NRXN3: variants seen among roughly 807,000 people sequenced by gnomAD.
The protein encoded by NRXN3 is neurexin 3, also known as neurexin III.
NRXN3 carries 32 observed loss-of-function variants against 137.6 expected under a neutral mutation model. The observed-to-expected ratio is 0.23, with a 90% CI of 0.18 to 0.31. The LOEUF is 0.31. NRXN3 is among the 10% of genes least tolerant of loss of function. The pLI, the probability that NRXN3 is intolerant of heterozygous loss-of-function variation, is 1.00. For missense variants in NRXN3, 1,574 were observed against 2,062.5 expected (o/e 0.76, Z 4.59); for synonymous variants, 798 against 784.5 (o/e 1.02, Z -0.29).
intron 15 of NRXN3, among the ~76,000 whole-genome samples, chr14:79,165,645 G>A (rs1419372066): frequency 1.3e-5 from 2 of 151,956 alleles, no homozygotes; most frequent in African/African-American, 4.8e-5. Flanking sequence ...AGAGATGACT[G>A]CTTTTGACAG....
At chr14:78,834,448 A>G (rs2098990725) in intron 10 of NRXN3, among the ~76,000 whole-genome samples, 1 of 152,162 alleles carries the variant, frequency 6.6e-6, no homozygotes, top group Admixed American at 6.5e-5. Context: ...AGTAATGGTC[A>G]GAGAGGCAAA....
intron 13 of NRXN3, 51 bp from the exon 14 acceptor site, chr14:78,968,122 G>T (rs2099427098): frequency 2.6e-6 from 3 of 1,150,458 alleles, no homozygotes; most frequent in Non-Finnish European, 3.4e-6. Context: ...TAGTTGACAT[G>T]GTCACCACAT....
intron 15 of NRXN3, among the ~76,000 whole-genome samples, chr14:79,462,059 A>G (rs1167329651): frequency 6.6e-6 from 1 of 152,154 alleles, no homozygotes; most frequent in Non-Finnish European, 1.5e-5. Flanking sequence ...CCACAAGTAA[A>G]TTATCCAGTT....
intron 4 of NRXN3, among the ~76,000 whole-genome samples, chr14:78,579,762 G>A (rs923995778): frequency 1.3e-5 from 2 of 152,128 alleles, no homozygotes. Context: ...GCTTAGTTTT[G>A]TTAAGTCTCA....
At chr14:79,677,818 T>A (rs2098648673) in intron 17 of NRXN3, among the ~76,000 whole-genome samples, 1 of 152,290 alleles carries the variant, frequency 6.6e-6, no homozygotes, top group Non-Finnish European at 1.5e-5. Context: ...ACAATTCTCT[T>A]GTTTTATTTC....
chr14:78,747,585 A>G (rs1460518164), intron 8 of NRXN3, among the ~76,000 whole-genome samples: 1 of 152,106 alleles, frequency 6.6e-6, no homozygotes, highest in Non-Finnish European at 1.5e-5. Flanking sequence ...TTCTTATTTG[A>G]ACTAAGAACC....
intron 19 of NRXN3, among the ~76,000 whole-genome samples, chr14:79,754,849 C>T (rs991841224): frequency 6.6e-6 from 1 of 151,838 alleles, no homozygotes; most frequent in Non-Finnish European, 1.5e-5. Flanking sequence ...GGTGAGTTCT[C>T]ACAAGATCTG....
At chr14:78,458,167 G>T (rs1186205848) in intron 4 of NRXN3, among the ~76,000 whole-genome samples, 2 of 152,102 alleles carry the variant, frequency 1.3e-5, no homozygotes, top group African/African-American at 4.8e-5. Context: ...AAACAAATCT[G>T]CCTTCTGACC....
intron 15 of NRXN3, among the ~76,000 whole-genome samples, chr14:79,209,763 A>G (rs796225936): frequency 6.6e-6 from 1 of 152,222 alleles, no homozygotes; most frequent in Non-Finnish European, 1.5e-5. Flanking sequence ...AAAGATGTCT[A>G]TATATGATGA....
chr14:79,769,717 A>G (rs920184696), intron 19 of NRXN3, among the ~76,000 whole-genome samples: 14 of 152,156 alleles, frequency 9.2e-5, no homozygotes, highest in Non-Finnish European at 1.8e-4. Flanking sequence ...TGCATCAACT[A>G]ACGAGCAAAA....
intron 8 of NRXN3, among the ~76,000 whole-genome samples, chr14:78,754,441 C>T (rs1039095555): frequency 1.3e-5 from 2 of 152,160 alleles, no homozygotes; most frequent in Admixed American, 6.5e-5. Context: ...AGGCTTTGCA[C>T]ATTCTCTTCT....
intron 10 of NRXN3, among the ~76,000 whole-genome samples, chr14:78,951,854 T>C (rs189889955): frequency 6.6e-6 from 1 of 152,292 alleles, no homozygotes; most frequent in Admixed American, 6.5e-5. Flanking sequence ...ATTCTATTAA[T>C]ACCCTGGGAG....
chr14:79,241,545 T>C (rs1030868111), intron 15 of NRXN3, among the ~76,000 whole-genome samples: 2 of 152,056 alleles, frequency 1.3e-5, no homozygotes, highest in African/African-American at 4.8e-5. Flanking sequence ...GAGAACAGTA[T>C]GAGGGAAACT....
intron 15 of NRXN3, among the ~76,000 whole-genome samples, chr14:79,297,982 T>C (rs2084478056): frequency 6.6e-6 from 1 of 152,118 alleles, no homozygotes; most frequent in South Asian, 2.1e-4. Flanking sequence ...ATTATCACTT[T>C]TCTTTATAAA....
chr14:78,278,318 C>T (rs1189931996), intron 2 of NRXN3, among the ~76,000 whole-genome samples: 1 of 152,074 alleles, frequency 6.6e-6, no homozygotes, highest in Admixed American at 6.5e-5. Context: ...ATATTTTAAC[C>T]AATATTCTTG....
chr14:78,415,683 C>T (rs531480653), intron 4 of NRXN3, among the ~76,000 whole-genome samples: 82 of 152,162 alleles, frequency 5.4e-4, no homozygotes, highest in African/African-American at 1.8e-3. Flanking sequence ...ATTGCTATGT[C>T]GAAGCCCTTA....
At chr14:79,404,862 C>G (rs1428861456) in intron 15 of NRXN3, among the ~76,000 whole-genome samples, 4 of 152,116 alleles carry the variant, frequency 2.6e-5, no homozygotes, top group African/African-American at 7.2e-5. Flanking sequence ...TGTATCTGCC[C>G]TGGCAGATAT....
chr14:78,755,874 G>C (rs1219313217), intron 8 of NRXN3, among the ~76,000 whole-genome samples: 1 of 152,152 alleles, frequency 6.6e-6, no homozygotes. Context: ...TGTGTATGTA[G>C]ATTTCCTATA....
chr14:79,551,554 C>G (rs1474498562), intron 16 of NRXN3, among the ~76,000 whole-genome samples: 2 of 152,120 alleles, frequency 1.3e-5, no homozygotes, highest in Non-Finnish European at 2.9e-5. Flanking sequence ...GGTTATTTCT[C>G]AACACACCAG....
Sources: allele counts gnomAD v4.1 joint callset (sites outside exome capture counted in the v4.1 genomes callset), GRCh38; gene constraint gnomAD v4.1.1; transcripts MANE v1.5; gene names NCBI Gene and HGNC (gene_info 2026-07-23, HGNC 2026-07-21).